TBCEL: variants seen among roughly 807,000 people sequenced by gnomAD.
TBCEL encodes tubulin folding cofactor E like, also known as tubulin-specific chaperone cofactor E-like protein.
A neutral mutation model predicts 44.2 loss-of-function variants in TBCEL; 15 were observed. The observed-to-expected ratio is 0.34, with a 90% CI of 0.23 to 0.52. TBCEL has a LOEUF of 0.52. TBCEL is among the 20% of genes least tolerant of loss of function. The pLI, the probability that TBCEL is intolerant of heterozygous loss-of-function variation, is 0.95. For missense variants in TBCEL, 319 were observed against 506.3 expected, an observed-to-expected ratio of 0.63 and a Z score of 3.55; for synonymous variants, 171 against 185.4, an observed-to-expected ratio of 0.92 and a Z score of 0.63.
At chr11:121,027,105 G>C (rs1380548486) in intron 1 of TBCEL, among the ~76,000 whole-genome samples, 3 of 152,100 alleles carry the variant, frequency 2.0e-5, no homozygotes, top group Non-Finnish European at 4.4e-5. Context: ...GCTACTTAGA[G>C]ACCAGTTTAC....
intron 8 of TBCEL, among the ~76,000 whole-genome samples, chr11:121,067,406 G>T (rs1194137700): frequency 6.6e-6 from 1 of 152,156 alleles, no homozygotes; most frequent in Non-Finnish European, 1.5e-5. Flanking sequence ...TTTCTTACAG[G>T]TGCTCAATTA....
At position 121,090,416 on chromosome 11, in the gene TBCEL, G is replaced by A. The variant is rs1946273441; in HGVS notation, c.*3320G>A. ...AATACAGAATACTAGATTGTTCTAAGTAATGTCATTTCGGTTTGTGAATTT... is the reference window on the plus strand; with the variant it reads ...AATACAGAATACTAGATTGTTCTAAATAATGTCATTTCGGTTTGTGAATTT... On this transcript the variant is annotated 3_prime_UTR_variant, in exon 9 of 9. Transcript: ENST00000683345. The A allele has an allele frequency of 6.6e-6, 1 of 152,076 alleles. No individual in the cohort carries two copies. The highest frequency in any genetic ancestry group is 1.5e-5 in the Non-Finnish European group (1 of 68,020). 9.4% of individuals were successfully genotyped at this position (152,076 alleles called of 1,614,324 possible).
intron 1 of TBCEL, among the ~76,000 whole-genome samples, chr11:121,030,222 T>C (rs1454713154): frequency 1.3e-5 from 2 of 151,956 alleles, no homozygotes; most frequent in African/African-American, 4.8e-5. Flanking sequence ...GTCTGAGAAA[T>C]AGAAAACCAC....
chr11:121,081,922 A>C (rs561010663), intron 8 of TBCEL, among the ~76,000 whole-genome samples: 21 of 152,334 alleles, frequency 1.4e-4, no homozygotes, highest in African/African-American at 4.6e-4. Flanking sequence ...CCACATCCAA[A>C]GCCTAACCCA....
At chr11:121,056,636 C>A (rs1477482151) in intron 6 of TBCEL, among the ~76,000 whole-genome samples, 1 of 151,824 alleles carries the variant, frequency 6.6e-6, no homozygotes, top group Non-Finnish European at 1.5e-5. Context: ...TACATCCTTA[C>A]CAGAGTTTGA....
chr11:121,054,457 C>T (rs925624945), intron 5 of TBCEL, among the ~76,000 whole-genome samples: 1 of 151,898 alleles, frequency 6.6e-6, no homozygotes, highest in Non-Finnish European at 1.5e-5. Context: ...AGTTTCACTA[C>T]TAACCATATG....
In TBCEL at chr11:121,033,465, C is replaced by T. The variant is rs143746446; in HGVS notation, c.-125-3040C>T. On this transcript the variant is annotated intron_variant, in intron 1 of 8. Transcript: ENST00000683345. The stretch of plus-strand genomic sequence containing the variant: ...TGTATACATCGTAAATTAGATCTCC[C>T]ACTAAATGTATTTATTGAGACTTGC... Among the ~76,000 whole-genome samples the T allele has an allele frequency of 3.4e-3, 521 of 152,222 alleles. 7 individuals are homozygous for T. The highest frequency in any genetic ancestry group is 6.9e-3 in the East Asian group (36 of 5,188).
Position 121,045,763 on chromosome 11 carries a change from C to T in TBCEL, c.73C>T (p.Arg25Cys). ...EKYSPENFPYRRGPGMGVHVP... is the reference protein window; with the variant it reads ...EKYSPENFPYCRGPGMGVHVP... ...ATATAGTCCTGAAAATTTTCCTTATCGCCGTGGCCCGGGGATGGGAGTCCA... is the reference window on the plus strand; with the variant it reads ...ATATAGTCCTGAAAATTTTCCTTATTGCCGTGGCCCGGGGATGGGAGTCCA... Residue 25 changes from arginine (R) to cysteine (C), a missense_variant, in exon 3 of 9, where the codon CGC becomes TGC. By Grantham distance (180) the Arg-to-Cys change is radical. Coordinates refer to ENST00000683345, the MANE Select transcript of TBCEL (RefSeq NM_001363644.2). 3 of 1,611,698 alleles carry T rather than the reference C, an allele frequency of 1.9e-6. No homozygotes were observed. Among genetic ancestry groups the T allele is most frequent in the South Asian group, 1.1e-5 (1 of 90,768 alleles).
intron 8 of TBCEL, among the ~76,000 whole-genome samples, chr11:121,071,589 T>G (rs906836286): frequency 2.6e-5 from 4 of 152,210 alleles, no homozygotes; most frequent in Non-Finnish European, 2.9e-5. Flanking sequence ...TTGTCCCAAG[T>G]AATCCCTAAA....
chr11:121,084,789 T>C (rs1022930522), intron 8 of TBCEL, among the ~76,000 whole-genome samples: 1 of 152,138 alleles, frequency 6.6e-6, no homozygotes, highest in Non-Finnish European at 1.5e-5. Context: ...TAAATTTTCA[T>C]AACCTAGTTT....
In TBCEL at chr11:121,087,274, T is replaced by C. The variant is rs1946233473; in HGVS notation, c.*178T>C. On this transcript the variant is annotated 3_prime_UTR_variant, in exon 9 of 9. Transcript: ENST00000683345. ...GAGTAGGGGCCATTTTTGGGTGTTT[T>C]CTACCACAGATTGATTTGGCTCAGC... is the stretch of plus-strand genomic sequence containing the variant. 2 of 621,060 alleles carry C rather than the reference T, an allele frequency of 3.2e-6. No homozygotes were observed. Among genetic ancestry groups the C allele is most frequent in the Non-Finnish European group, 5.5e-6 (2 of 364,804 alleles). The allele number at this position is 621,060 out of a possible 1,614,324, so 38.5% of individuals were successfully genotyped here. A position where few individuals can be genotyped will look rare whatever the true frequency, so the allele number is the denominator to read the frequency against.
intron 8 of TBCEL, among the ~76,000 whole-genome samples, chr11:121,070,069 A>C (rs1051896676): frequency 2.0e-5 from 3 of 152,240 alleles, no homozygotes; most frequent in Non-Finnish European, 4.4e-5. Flanking sequence ...TCTCAAAAGA[A>C]GACATTTATG....
At chr11:121,049,459 T>A (rs571879553) in intron 4 of TBCEL, among the ~76,000 whole-genome samples, 1 of 152,008 alleles carries the variant, frequency 6.6e-6, no homozygotes, top group East Asian at 1.9e-4. Flanking sequence ...TTATTAGGAT[T>A]TTAACCAAAA....
intron 8 of TBCEL, among the ~76,000 whole-genome samples, chr11:121,085,274 G>A (rs555932975): frequency 1.4e-4 from 22 of 152,110 alleles, no homozygotes; most frequent in African/African-American, 3.1e-4. Context: ...TCCTGACCTC[G>A]TGATCTGCCC....
intron 2 of TBCEL, among the ~76,000 whole-genome samples, chr11:121,038,097 C>G (rs1024463268): frequency 2.6e-5 from 4 of 151,898 alleles, no homozygotes; most frequent in Admixed American, 2.6e-4. Context: ...GTAGCTGGGA[C>G]TACAGGCACG....
At chr11:121,065,724 T>C (rs1945807916) in intron 8 of TBCEL, among the ~76,000 whole-genome samples, 1 of 152,258 alleles carries the variant, frequency 6.6e-6, no homozygotes, top group African/African-American at 2.4e-5. Context: ...CTCTACCTCA[T>C]AGTTTTGAAT....
intron 4 of TBCEL, among the ~76,000 whole-genome samples, chr11:121,049,364 T>C (rs1439431318): frequency 6.6e-6 from 1 of 151,798 alleles, no homozygotes; most frequent in Non-Finnish European, 1.5e-5. Flanking sequence ...ATCCATAACC[T>C]AGTTTTGGTA....
rs149311905 is a variant in TBCEL, at chr11:121,055,427, A to G, written c.712+119A>G. The G allele has an allele frequency of 1.8e-4, 204 of 1,104,032 alleles. No individual in the cohort carries two copies. The African/African-American group carries it at 2.9e-3, about 16-fold the overall frequency. 68.4% of individuals were successfully genotyped at this position (1,104,032 alleles called of 1,614,324 possible). ...ACCTTTTTTAGAGTGAATTTTCTAT[A>G]TGACATGCAGATGCCTATGATTGGC... On this transcript the variant is annotated intron_variant, in intron 6 of 8. Coordinates refer to ENST00000683345, the MANE Select transcript of TBCEL (RefSeq NM_001363644.2).
chr11:121,053,172 C>T (rs1591395508), intron 4 of TBCEL, among the ~76,000 whole-genome samples: 3 of 151,814 alleles, frequency 2.0e-5, no homozygotes, highest in African/African-American at 4.8e-5. Context: ...AGGAGATATT[C>T]GAAGAGGATT....
Sources: gnomAD v4.1 joint callset for allele counts (sites outside exome capture counted in the v4.1 genomes callset) on GRCh38, gnomAD v4.1.1 for gene constraint, MANE v1.5 for transcripts, NCBI Gene and HGNC (gene_info 2026-07-23, HGNC 2026-07-21) for gene names.